The following NSMCE2 variants were observed in gnomAD, a reference collection of about 807,000 sequenced individuals.
NSMCE2 encodes NSE2 SUMO ligase component of SMC5/6 complex.
In NSMCE2, 24 loss-of-function variants were observed where a neutral mutation model predicts 23.8. That is an observed-to-expected ratio of 1.01 (90% confidence interval 0.73 to 1.42). The LOEUF (loss-of-function observed/expected upper bound fraction) is 1.42. NSMCE2 is among the 40% of genes most tolerant of loss of function. The probability of loss-of-function intolerance (pLI) is 0.00; values close to 1 mark genes in which losing one functional copy is unlikely to be tolerated. For synonymous variants in NSMCE2, 92 were observed against 94.1 expected, an observed-to-expected ratio of 0.98 and a Z score of 0.13; for missense variants, 284 against 296.5, an observed-to-expected ratio of 0.96 and a Z score of 0.31.
intron 5 of NSMCE2, among the ~76,000 whole-genome samples, chr8:125,299,193 G>T (rs994886602): frequency 1.5e-4 from 23 of 152,240 alleles, no homozygotes; most frequent in Admixed American, 1.5e-3. Flanking sequence ...AATGCATGAG[G>T]TTATCAATAG....
intron 5 of NSMCE2, among the ~76,000 whole-genome samples, chr8:125,332,819 A>T (rs187936465): frequency 6.6e-6 from 1 of 152,256 alleles, no homozygotes; most frequent in East Asian, 1.9e-4. Context: ...TCTTTAGTTG[A>T]CCCTGTGAGA....
chr8:125,289,310 CAT>C (rs1828018946), intron 5 of NSMCE2, among the ~76,000 whole-genome samples: 2 of 152,154 alleles, frequency 1.3e-5, no homozygotes, highest in South Asian at 4.1e-4. Context: ...TGGATGTTAA[CAT>C]GTAGACTCTC....
At chr8:125,092,549 G>A (rs1426289930) in intron 1 of NSMCE2, among the ~76,000 whole-genome samples, 1 of 152,182 alleles carries the variant, frequency 6.6e-6, no homozygotes, top group Non-Finnish European at 1.5e-5. Flanking sequence ...GTGTACATGT[G>A]CATGTGATAG....
intron 5 of NSMCE2, among the ~76,000 whole-genome samples, chr8:125,187,657 T>C (rs998228868): frequency 6.6e-6 from 1 of 152,144 alleles, no homozygotes; most frequent in African/African-American, 2.4e-5. Flanking sequence ...CCTGTAGATT[T>C]TAGTGTACAT....
At chr8:125,289,113 C>A (rs373464384) in intron 5 of NSMCE2, among the ~76,000 whole-genome samples, 1 of 152,168 alleles carries the variant, frequency 6.6e-6, no homozygotes, top group Non-Finnish European at 1.5e-5. Flanking sequence ...TTTAATTCAT[C>A]TTTGTACTTC....
At chr8:125,160,098 G>A (rs12544146) in intron 4 of NSMCE2, among the ~76,000 whole-genome samples, 18,110 of 152,084 alleles carry the variant, frequency 0.12, 1,186 homozygotes, top group African/African-American at 0.15. Flanking sequence ...CAATAAAAAC[G>A]TGCATAGGAA....
chr8:125,104,560 T>A (rs1362676528), intron 3 of NSMCE2, among the ~76,000 whole-genome samples: 2 of 151,884 alleles, frequency 1.3e-5, no homozygotes, highest in Admixed American at 6.6e-5. Flanking sequence ...AACCTGGGAG[T>A]TGTTCACTTT....
chr8:125,275,200 C>G (rs538924884), intron 5 of NSMCE2, among the ~76,000 whole-genome samples: 26 of 152,078 alleles, frequency 1.7e-4, no homozygotes, highest in South Asian at 1.5e-3. Flanking sequence ...AGGAGAATGT[C>G]TTTCTCTCAC....
chr8:125,223,468 A>G (rs1438250538), intron 5 of NSMCE2, among the ~76,000 whole-genome samples: 1 of 152,226 alleles, frequency 6.6e-6, no homozygotes, highest in African/African-American at 2.4e-5. Context: ...TCTCTTTGAC[A>G]TACCAATTTC....
intron 5 of NSMCE2, among the ~76,000 whole-genome samples, chr8:125,298,090 G>A (rs752558691): frequency 2.0e-5 from 3 of 151,916 alleles, no homozygotes; most frequent in Admixed American, 6.6e-5. Flanking sequence ...GTGAAACCCC[G>A]TCTCTACTAA....
intron 4 of NSMCE2, among the ~76,000 whole-genome samples, chr8:125,153,525 G>A (rs1288000310): frequency 6.6e-6 from 1 of 152,100 alleles, no homozygotes; most frequent in Non-Finnish European, 1.5e-5. Context: ...CTATCTTATT[G>A]CTTGTTTTAG....
At chr8:125,151,071 T>C (rs1312866228) in intron 3 of NSMCE2, 100 bp from the exon 4 acceptor site, 3 of 517,560 alleles carry the variant, frequency 5.8e-6, no homozygotes, top group Admixed American at 2.9e-5. Context: ...CTCTACAAAA[T>C]TATTTAGACC....
chr8:125,345,868 A>G (rs1021422363), intron 5 of NSMCE2, among the ~76,000 whole-genome samples: 2 of 152,210 alleles, frequency 1.3e-5, no homozygotes, highest in African/African-American at 4.8e-5. Flanking sequence ...TTAGAAGGCC[A>G]TGGTCAGCCA....
chr8:125,237,765 A>G (rs1205116999), intron 5 of NSMCE2, among the ~76,000 whole-genome samples: 3 of 152,182 alleles, frequency 2.0e-5, no homozygotes, highest in Admixed American at 6.5e-5. Flanking sequence ...TTATCAGGGT[A>G]AATACTACCT....
intron 3 of NSMCE2, among the ~76,000 whole-genome samples, chr8:125,149,221 A>G (rs539598624): frequency 1.3e-5 from 2 of 152,318 alleles, no homozygotes; most frequent in South Asian, 2.1e-4. Flanking sequence ...ATATTTGTGT[A>G]TTCTTTGCTG....
chr8:125,122,247 T>C (rs186005200), intron 3 of NSMCE2, among the ~76,000 whole-genome samples: 3 of 151,796 alleles, frequency 2.0e-5, no homozygotes, highest in Admixed American at 2.0e-4. Flanking sequence ...GATATGAAGA[T>C]ACTTCAACAA....
intron 5 of NSMCE2, among the ~76,000 whole-genome samples, chr8:125,196,826 A>G (rs1823648106): frequency 6.6e-6 from 1 of 152,150 alleles, no homozygotes; most frequent in South Asian, 2.1e-4. Flanking sequence ...CAACAGTGTA[A>G]AAGCATTCCT....
intron 5 of NSMCE2, among the ~76,000 whole-genome samples, chr8:125,241,656 G>C (rs960164045): frequency 6.6e-6 from 1 of 152,238 alleles, no homozygotes; most frequent in African/African-American, 2.4e-5. Flanking sequence ...AGGTGGGTTG[G>C]AGGAAGCAGA....
At chr8:125,188,583 T>C (rs7833463) in intron 5 of NSMCE2, among the ~76,000 whole-genome samples, 14,966 of 152,264 alleles carry the variant, frequency 0.098, 951 homozygotes, top group South Asian at 0.17. Context: ...TTAAAAACAC[T>C]GTTCAAACAA....
Sources: allele counts gnomAD v4.1 joint callset (sites outside exome capture counted in the v4.1 genomes callset), GRCh38; gene constraint gnomAD v4.1.1; transcripts MANE v1.5; gene names NCBI Gene and HGNC (gene_info 2026-07-23, HGNC 2026-07-21).